MEAK7: variants seen among roughly 807,000 people sequenced by gnomAD.
The protein encoded by MEAK7 is MTOR associated protein MEAK7.
A neutral mutation model predicts 40.5 loss-of-function variants in MEAK7; 68 were observed. The observed-to-expected ratio is 1.68, with a 90% confidence interval of 1.38 to 2.06. The LOEUF (loss-of-function observed/expected upper bound fraction) is 2.06, where lower values mean the gene tolerates loss of function less well. Among genes scored for constraint, MEAK7 ranks in the 30% most tolerant of loss-of-function variants. MEAK7 has a pLI of 0.00. For missense variants in MEAK7, 918 were observed against 580.5 expected (o/e 1.58, Z -5.98); for synonymous variants, 338 against 231.9 (o/e 1.46, Z -4.16).
intron 1 of MEAK7, chr16:84,503,997 A>T (rs1914697690): frequency 3.0e-6 from 3 of 985,378 alleles, no homozygotes; most frequent in Non-Finnish European, 3.6e-6. Flanking sequence ...TCATCTGGAC[A>T]GGCTTCGAAG....
At chr16:84,490,944 G>C (rs1281370744) in intron 3 of MEAK7, among the ~76,000 whole-genome samples, 1 of 149,268 alleles carries the variant, frequency 6.7e-6, no homozygotes, top group Non-Finnish European at 1.5e-5. Flanking sequence ...GAACCCCAAA[G>C]TTATAAACAG....
In MEAK7 at chr16:84,503,758, T is replaced by C. The variant is rs140586733; in HGVS notation, c.-26+843A>G. On this transcript the variant is annotated intron_variant, in intron 1 of 7. Transcript: ENST00000343629. ...ACGGAAGGTTGCTCTGCCTCCGTGA[T>C]GGAGGGGTGGACAGGGACCGATTGT... Among the ~76,000 whole-genome samples, 393 of 152,224 alleles carry C rather than the reference T, an allele frequency of 2.6e-3. 2 individuals carry two copies. Among genetic ancestry groups the C allele is most frequent in the African/African-American group, 8.9e-3 (369 of 41,528 alleles).
intron 1 of MEAK7, among the ~76,000 whole-genome samples, chr16:84,501,137 G>C (rs1330474708): frequency 7.0e-6 from 1 of 143,882 alleles, no homozygotes; most frequent in African/African-American, 2.5e-5. Context: ...AGGGGAAACA[G>C]AGACAAGGGC....
At chr16:84,498,659 C>A (rs548544167) in intron 1 of MEAK7, among the ~76,000 whole-genome samples, 14 of 152,178 alleles carry the variant, frequency 9.2e-5, no homozygotes, top group African/African-American at 3.4e-4. Flanking sequence ...CCTACTGAAA[C>A]ACACCCATAA....
intron 4 of MEAK7, chr16:84,488,538 G>C (rs1913290952): frequency 6.6e-6 from 1 of 151,736 alleles, no homozygotes; most frequent in African/African-American, 2.4e-5. Flanking sequence ...CCATACTATA[G>C]GCCATAAATG....
At chr16:84,503,930 C>T in intron 1 of MEAK7, 2 of 985,588 alleles carry the variant, frequency 2.0e-6, no homozygotes, top group South Asian at 9.4e-5. Flanking sequence ...CCCCGCATCC[C>T]TAGAGCCACA....
chr16:84,480,672 C>A lies in MEAK7; in HGVS notation c.1114G>T (p.Val372Leu). Residue 372 changes from valine (V) to leucine (L), a missense_variant, in exon 7 of 8, where the codon GTG becomes TTG. Coordinates refer to ENST00000343629, the MANE Select transcript of MEAK7 (RefSeq NM_020947.4). Reference sequence around the variant, plus strand: ...TGTCCTTTCCCAAAATCAACATCCACCCAAAGCCCAAAGTAATTGTGCTGC... The same window carrying A: ...TGTCCTTTCCCAAAATCAACATCCAACCAAAGCCCAAAGTAATTGTGCTGC... ...GGQHNYFGLW[V>L]DVDFGKGHSR... The A allele has an allele frequency of 6.2e-7, 1 of 1,613,816 alleles. No homozygotes were observed.
chr16:84,493,098 T>G (rs1450803572), intron 3 of MEAK7, among the ~76,000 whole-genome samples: 1 of 152,226 alleles, frequency 6.6e-6, no homozygotes, highest in Non-Finnish European at 1.5e-5. Flanking sequence ...GTAAGTGTGT[T>G]ATTAGTATGT....
At chr16:84,498,208 T>C in intron 1 of MEAK7, 97 bp from the exon 2 acceptor site, 1 of 1,384,166 alleles carries the variant, frequency 7.2e-7, no homozygotes, top group South Asian at 1.4e-5. Context: ...TATATACTGA[T>C]ATAGCCACAA....
At position 84,486,718 on chromosome 16, in the gene MEAK7, GTC is replaced by G; in HGVS notation, c.869_870del (p.Gly290AlafsTer10). 2 of 1,613,970 alleles carry G rather than the reference GTC, an allele frequency of 1.2e-6. No homozygotes were observed. Among genetic ancestry groups the G allele is most frequent in the Non-Finnish European group, 1.7e-6 (2 of 1,179,886 alleles). ...SQLCGHITHR[G>X]PCVAVLEDHD... ...TGGTCCTCGAGGACAGCCACACAGG[GTC>G]CCCGGTGAGTGATGTGGCCACAGAG... On this transcript the variant is annotated frameshift_variant, in exon 5 of 8. Coordinates refer to ENST00000343629, the MANE Select transcript of MEAK7 (RefSeq NM_020947.4). LOFTEE classifies it high-confidence loss of function.
At chr16:84,482,538 C>T in intron 6 of MEAK7, 54 bp downstream of exon 6, 2 of 1,613,214 alleles carry the variant, frequency 1.2e-6, no homozygotes, top group East Asian at 2.2e-5. Flanking sequence ...GGGGTTGACA[C>T]CTTTGCTGGG....
intron 3 of MEAK7, 67 bp from the exon 4 acceptor site, chr16:84,489,489 A>C: frequency 2.0e-6 from 3 of 1,505,696 alleles, no homozygotes; most frequent in Non-Finnish European, 2.7e-6. Flanking sequence ...TCATGCCCAC[A>C]TGGAGAAGGG....
rs1460531046 is a variant in MEAK7, at chr16:84,479,359, T to TC, written c.*553dup. The TC allele has an allele frequency of 2.6e-5, 4 of 152,160 alleles. No individual in the cohort carries two copies. Among genetic ancestry groups the TC allele is most frequent in the African/African-American group, 9.7e-5 (4 of 41,418 alleles). The allele number at this position is 152,160 out of a possible 1,614,324, so 9.4% of individuals were successfully genotyped here. On this transcript the variant is annotated 3_prime_UTR_variant, in exon 8 of 8. Coordinates refer to ENST00000343629, the MANE Select transcript of MEAK7 (RefSeq NM_020947.4). ...ATGAACCCCAGCGGGAGGAACCCCC[T>TC]CCTCAATAGAGAAGTTGAGATCCCA...
chr16:84,500,344 T>G (rs1309001951), intron 1 of MEAK7, among the ~76,000 whole-genome samples: 2 of 152,134 alleles, frequency 1.3e-5, no homozygotes, highest in Admixed American at 1.3e-4. Context: ...CTGGGTCACA[T>G]GGTAATTCTG....
Position 84,479,072 on chromosome 16 carries a change from C to A in MEAK7, c.*841G>T, listed in dbSNP as rs1030351451. On this transcript the variant is annotated 3_prime_UTR_variant, in exon 8 of 8. Coordinates refer to ENST00000343629, the MANE Select transcript of MEAK7 (RefSeq NM_020947.4). ...TTCCTCACACACATTCATTTAAAAA[C>A]AGCTGAGAGAGCTGGGTGTGGAACC... 1 of 152,248 alleles carries A rather than the reference C, an allele frequency of 6.6e-6. No homozygotes were observed. Among genetic ancestry groups the A allele is most frequent in the East Asian group, 1.9e-4 (1 of 5,200 alleles). 9.4% of individuals were successfully genotyped at this position (152,248 alleles called of 1,614,324 possible).
chr16:84,504,510 C>A, intron 1 of MEAK7, 91 bp downstream of exon 1: 1 of 824,948 alleles, frequency 1.2e-6, no homozygotes, highest in Non-Finnish European at 1.5e-6. Context: ...AGGGCCCAGG[C>A]CTACTCTGGA....
Position 84,499,212 on chromosome 16 carries a change from A to G in MEAK7, c.-25-1101T>C, listed in dbSNP as rs144494683. ...GTCAAGCAATCGGGGGATTCAAACA[A>G]AAAAGCATGGTTGGAAATGAAAACA... On this transcript the variant is annotated intron_variant, in intron 1 of 7. Coordinates refer to ENST00000343629, the MANE Select transcript of MEAK7 (RefSeq NM_020947.4). Among the ~76,000 whole-genome samples the G allele has an allele frequency of 3.3e-3, 510 of 152,344 alleles. 3 individuals carry two copies. Among genetic ancestry groups the G allele is most frequent in the Non-Finnish European group, 4.3e-3 (292 of 68,034 alleles).
At chr16:84,499,268 G>A (rs950076711) in intron 1 of MEAK7, among the ~76,000 whole-genome samples, 10 of 152,214 alleles carry the variant, frequency 6.6e-5, no homozygotes, top group African/African-American at 2.4e-4. Flanking sequence ...GTAAGGTGCT[G>A]TGACTGTTAA....
At chr16:84,494,220 A>G (rs1913857865) in intron 3 of MEAK7, among the ~76,000 whole-genome samples, 1 of 152,184 alleles carries the variant, frequency 6.6e-6, no homozygotes, top group Admixed American at 6.5e-5. Context: ...TATTTTACAA[A>G]TAAGTTGGTC....
Sources: allele counts gnomAD v4.1 joint callset (sites outside exome capture counted in the v4.1 genomes callset), GRCh38; gene constraint gnomAD v4.1.1; transcripts MANE v1.5; gene names NCBI Gene and HGNC (gene_info 2026-07-23, HGNC 2026-07-21).